The following TBC1D5 variants were observed in gnomAD, a reference collection of about 807,000 sequenced individuals.
TBC1D5 encodes the protein TBC1 domain family, member 5.
A neutral mutation model predicts 100.3 loss-of-function variants in TBC1D5; 75 were observed. The observed-to-expected ratio is 0.75, with a 90% CI of 0.62 to 0.91. The LOEUF is 0.91. TBC1D5 is among the 40% of genes least tolerant of loss of function. The pLI, the probability that TBC1D5 is intolerant of heterozygous loss-of-function variation, is 0.00. For missense variants in TBC1D5, 910 were observed against 942.4 expected (o/e 0.97, Z 0.45); for synonymous variants, 323 against 325.6 (o/e 0.99, Z 0.09).
At chr3:17,650,966 G>A (rs1395578399) in intron 1 of TBC1D5, among the ~76,000 whole-genome samples, 1 of 152,106 alleles carries the variant, frequency 6.6e-6, no homozygotes, top group East Asian at 1.9e-4. Flanking sequence ...AGTACTCCCA[G>A]TGCTATCAGG....
chr3:17,542,209 T>G (rs1430013029), intron 2 of TBC1D5, among the ~76,000 whole-genome samples: 1 of 152,156 alleles, frequency 6.6e-6, no homozygotes, highest in Non-Finnish European at 1.5e-5. Flanking sequence ...GAGGATCACT[T>G]GAGCCTGGGA....
intron 3 of TBC1D5, among the ~76,000 whole-genome samples, chr3:17,469,673 C>T (rs2095350453): frequency 6.6e-6 from 1 of 152,208 alleles, no homozygotes; most frequent in African/African-American, 2.4e-5. Context: ...CCTTTGGGAG[C>T]TTATTTACAT....
At chr3:17,302,779 G>C (rs1370626434) in intron 14 of TBC1D5, among the ~76,000 whole-genome samples, 3 of 152,126 alleles carry the variant, frequency 2.0e-5, no homozygotes, top group Admixed American at 2.0e-4. Flanking sequence ...AACATCCTCT[G>C]AGCATCCTAC....
intron 13 of TBC1D5, among the ~76,000 whole-genome samples, chr3:17,337,129 T>G (rs1274747659): frequency 2.0e-5 from 3 of 150,364 alleles, no homozygotes; most frequent in Admixed American, 1.3e-4. Context: ...AGAGGTTTTT[T>G]TTTTTTTTTT....
At chr3:17,294,227 A>G (rs1204436948) in intron 14 of TBC1D5, among the ~76,000 whole-genome samples, 1 of 134,952 alleles carries the variant, frequency 7.4e-6, no homozygotes, top group Non-Finnish European at 1.7e-5. Flanking sequence ...TTTATTTACT[A>G]TGTGTTTTCA....
At chr3:17,549,587 C>CAA (rs1202721287) in intron 2 of TBC1D5, among the ~76,000 whole-genome samples, 1 of 152,072 alleles carries the variant, frequency 6.6e-6, no homozygotes, top group Non-Finnish European at 1.5e-5. Flanking sequence ...TAAAATTCAA[C>CAA]AAATATGTAA....
chr3:17,306,596 G>C (rs1185656344), intron 14 of TBC1D5, among the ~76,000 whole-genome samples: 1 of 152,094 alleles, frequency 6.6e-6, no homozygotes, highest in Admixed American at 6.5e-5. Context: ...CTTAGAATAG[G>C]AGACAGGATG....
intron 3 of TBC1D5, among the ~76,000 whole-genome samples, chr3:17,493,403 G>C (rs1372821991): frequency 6.6e-6 from 1 of 151,966 alleles, no homozygotes; most frequent in Non-Finnish European, 1.5e-5. Context: ...TGGAGAATCT[G>C]ATGATTATGT....
At chr3:17,244,225 G>A (rs2076542342) in intron 16 of TBC1D5, among the ~76,000 whole-genome samples, 1 of 152,180 alleles carries the variant, frequency 6.6e-6, no homozygotes, top group African/African-American at 2.4e-5. Flanking sequence ...CCTAGTTCTA[G>A]TCCTGGCATG....
chr3:17,382,850 C>T (rs1424298423), intron 9 of TBC1D5, among the ~76,000 whole-genome samples: 2 of 152,106 alleles, frequency 1.3e-5, no homozygotes, highest in Non-Finnish European at 2.9e-5. Context: ...GTGTAAGCCA[C>T]TGCACCTGGC....
At chr3:17,341,978 C>T (rs2151424406) in intron 13 of TBC1D5, among the ~76,000 whole-genome samples, 1 of 152,284 alleles carries the variant, frequency 6.6e-6, no homozygotes, top group South Asian at 2.1e-4. Flanking sequence ...AACTCCACTG[C>T]TATTGACCTT....
At chr3:17,207,093 C>T (rs1258860904) in intron 18 of TBC1D5, among the ~76,000 whole-genome samples, 6 of 152,078 alleles carry the variant, frequency 3.9e-5, no homozygotes, top group Admixed American at 2.0e-4. Flanking sequence ...TGCCACTATG[C>T]CCAGCTAATT....
At chr3:17,739,881 TG>T (rs2077265885) in exon 1 of TBC1D5, 1 of 151,816 alleles carries the variant, frequency 6.6e-6, no homozygotes, top group Non-Finnish European at 1.5e-5. Flanking sequence ...GGTGGGCGCC[TG>T]TAATCCCAGC....
intron 1 of TBC1D5, among the ~76,000 whole-genome samples, chr3:17,689,532 AAAAAG>A (rs2070795193): frequency 6.6e-6 from 1 of 151,762 alleles, no homozygotes; most frequent in African/African-American, 2.4e-5. Flanking sequence ...AAAAAAAAAA[AAAAAG>A]AAAAGAAAAA....
chr3:17,407,375 G>A (rs1056718512), intron 4 of TBC1D5, among the ~76,000 whole-genome samples: 2 of 152,066 alleles, frequency 1.3e-5, no homozygotes, highest in Admixed American at 1.3e-4. Context: ...TTGAGTAGAG[G>A]CTACTGAGAT....
chr3:17,679,252 C>G (rs953342421), intron 1 of TBC1D5, among the ~76,000 whole-genome samples: 2 of 151,096 alleles, frequency 1.3e-5, no homozygotes, highest in Non-Finnish European at 2.9e-5. Flanking sequence ...AGAGACCACA[C>G]CCTCCTAAAA....
chr3:17,205,650 C>T (rs747352769), intron 18 of TBC1D5, among the ~76,000 whole-genome samples: 104 of 152,284 alleles, frequency 6.8e-4, no homozygotes, highest in Non-Finnish European at 1.2e-3. Flanking sequence ...ATGAGCCTCT[C>T]GTGACCCTTC....
Position 17,378,615 on chromosome 3 carries a change from C to T in TBC1D5, c.613-2002G>A, listed in dbSNP as rs2092804737. On this transcript the variant is annotated intron_variant, in intron 9 of 21. Coordinates refer to ENST00000253692, the Ensembl canonical transcript of TBC1D5. The stretch of plus-strand genomic sequence containing the variant: ...TTTTTGTTACAAACATTTTACCATG[C>T]TTATCATTAGTCTTACTTTTGATTT... Among the ~76,000 whole-genome samples the T allele has an allele frequency of 2.0e-5, 3 of 151,754 alleles. No individual in the cohort carries two copies. In the South Asian group the frequency reaches 6.2e-4, roughly 32 times the overall value.
At chr3:17,603,627 C>A (rs1419573389) in intron 2 of TBC1D5, among the ~76,000 whole-genome samples, 1 of 152,038 alleles carries the variant, frequency 6.6e-6, no homozygotes, top group Non-Finnish European at 1.5e-5. Flanking sequence ...ACCAGCAGCC[C>A]CCAGAATCAA....
Sources: allele counts gnomAD v4.1 joint callset (sites outside exome capture counted in the v4.1 genomes callset), GRCh38; gene constraint gnomAD v4.1.1; transcripts MANE v1.5; gene names NCBI Gene and HGNC (gene_info 2026-07-23, HGNC 2026-07-21).